DCC: variants seen among roughly 807,000 people sequenced by gnomAD.
DCC encodes the protein DCC netrin 1 receptor.
Under a neutral mutation model 172.5 loss-of-function variants are expected in DCC, and 58 were observed. That is an observed-to-expected ratio of 0.34 (90% CI 0.27 to 0.42). The LOEUF (loss-of-function observed/expected upper bound fraction) is 0.42, where lower values mean the gene tolerates loss of function less well. Among genes scored for constraint, DCC ranks in the 10% least tolerant of loss-of-function variants. DCC has a pLI of 1.00. For synonymous variants in DCC, 709 were observed against 644.5 expected (o/e 1.10, Z -1.52); for missense variants, 1,740 against 1,791.0 (o/e 0.97, Z 0.51).
Position 53,451,710 on chromosome 18 carries a change from GCTCT to G in DCC, c.3392+1068_3392+1071del, listed in dbSNP as rs371232356. Among the ~76,000 whole-genome samples, 129 of 147,430 alleles carry G rather than the reference GCTCT, an allele frequency of 8.7e-4. 1 individual carries two copies. Among genetic ancestry groups the G allele is most frequent in the South Asian group, 2.2e-3 (10 of 4,628 alleles). ...CTTCTGTTGCTAATAGCTCGCTCTT[GCTCT>G]CTCTCTCTCTCTCTCTCTCCATCTC... is the stretch of plus-strand genomic sequence containing the variant. On this transcript the variant is annotated intron_variant, in intron 23 of 28. Transcript: ENST00000442544.
At chr18:52,492,207 T>C (rs957896266) in intron 1 of DCC, among the ~76,000 whole-genome samples, 1 of 151,516 alleles carries the variant, frequency 6.6e-6, no homozygotes, top group Non-Finnish European at 1.5e-5. Flanking sequence ...GATAAGAAAC[T>C]TGGGGGGTAG....
At chr18:53,513,214 T>C (rs1191418627) in intron 27 of DCC, among the ~76,000 whole-genome samples, 11 of 152,082 alleles carry the variant, frequency 7.2e-5, no homozygotes, top group East Asian at 1.9e-4. Context: ...CCAAACTAAG[T>C]TTCATAAGTG....
chr18:53,202,726 T>C (rs1311370682), intron 9 of DCC, among the ~76,000 whole-genome samples: 1 of 152,146 alleles, frequency 6.6e-6, no homozygotes, highest in East Asian at 1.9e-4. Flanking sequence ...TCTGGAATCA[T>C]AAATGAGGCC....
rs2040038572 is a variant in DCC, at chr18:52,916,234, C to T, written c.698-7473C>T. On this transcript the variant is annotated intron_variant, in intron 3 of 28. Transcript: ENST00000442544. ...CTTTTTTTTTTTTTTCTTCATGAAA[C>T]ACCATTTTTACTTGAAAGGACAGTC... Among the ~76,000 whole-genome samples, 3 of 148,692 alleles carry T rather than the reference C, an allele frequency of 2.0e-5. No homozygotes were observed. The Admixed American group carries it at 2.0e-4, about 10-fold the overall frequency.
intron 1 of DCC, among the ~76,000 whole-genome samples, chr18:52,656,908 C>G (rs996134925): frequency 6.6e-6 from 1 of 152,116 alleles, no homozygotes; most frequent in African/African-American, 2.4e-5. Context: ...CCAGATGGGT[C>G]AGAAATGTCG....
At chr18:52,601,977 G>A (rs1164107924) in intron 1 of DCC, among the ~76,000 whole-genome samples, 3 of 151,956 alleles carry the variant, frequency 2.0e-5, no homozygotes, top group African/African-American at 7.2e-5. Flanking sequence ...TTGCTCTTCT[G>A]TGAATTTCCC....
intron 1 of DCC, among the ~76,000 whole-genome samples, chr18:52,494,637 A>C (rs1386900425): frequency 1.3e-5 from 2 of 151,864 alleles, no homozygotes; most frequent in East Asian, 3.9e-4. Context: ...ATTAGTTATT[A>C]TGTTTTAGAG....
chr18:53,408,804 AG>A (rs1240173374), intron 19 of DCC, among the ~76,000 whole-genome samples: 3 of 152,202 alleles, frequency 2.0e-5, no homozygotes, highest in Non-Finnish European at 4.4e-5. Flanking sequence ...GAAAGGTGAA[AG>A]TCAATACAAA....
chr18:52,565,191 G>C (rs544168529), intron 1 of DCC, among the ~76,000 whole-genome samples: 1 of 152,068 alleles, frequency 6.6e-6, no homozygotes, highest in South Asian at 2.1e-4. Flanking sequence ...TTCTATTTGA[G>C]CATGGTTAAA....
intron 1 of DCC, among the ~76,000 whole-genome samples, chr18:52,438,868 A>T (rs1258794393): frequency 6.6e-6 from 1 of 152,182 alleles, no homozygotes; most frequent in Admixed American, 6.5e-5. Context: ...TAAATTACTT[A>T]TAGTCGTGAC....
At chr18:53,251,293 A>C (rs947658064) in intron 12 of DCC, among the ~76,000 whole-genome samples, 1 of 151,868 alleles carries the variant, frequency 6.6e-6, no homozygotes. Context: ...ATTTTCCATA[A>C]TCTTGTTTTC....
chr18:52,628,497 A>T (rs2034614727), intron 1 of DCC, among the ~76,000 whole-genome samples: 1 of 152,246 alleles, frequency 6.6e-6, no homozygotes, highest in Non-Finnish European at 1.5e-5. Context: ...ACTTGCCTTC[A>T]TCTGTGTGTA....
At chr18:52,848,839 G>A (rs564022547) in intron 2 of DCC, among the ~76,000 whole-genome samples, 12 of 152,168 alleles carry the variant, frequency 7.9e-5, no homozygotes, top group Non-Finnish European at 1.2e-4. Context: ...CCATGTATTC[G>A]TGTTCAAATA....
chr18:53,212,976 T>C (rs917275129), intron 11 of DCC, among the ~76,000 whole-genome samples: 1 of 152,100 alleles, frequency 6.6e-6, no homozygotes, highest in Non-Finnish European at 1.5e-5. Flanking sequence ...CCAGCCTGCC[T>C]TTCAATTCTT....
intron 1 of DCC, among the ~76,000 whole-genome samples, chr18:52,444,236 G>A (rs1988055983): frequency 6.6e-6 from 1 of 152,164 alleles, no homozygotes; most frequent in Admixed American, 6.5e-5. Context: ...AAAATGAGGT[G>A]TTTCCCTAAT....
rs113815424 is a variant in DCC at position 52,737,059 on chromosome 18, G to A, written c.92-14995G>A. Among the ~76,000 whole-genome samples, 1,434 of 152,238 alleles carry A rather than the reference G, an allele frequency of 9.4e-3. 13 individuals carry two copies. Among genetic ancestry groups the A allele is most frequent in the Middle Eastern group, 0.017 (5 of 294 alleles). On this transcript the variant is annotated intron_variant, in intron 1 of 28. Transcript: ENST00000442544. ...GGATTTATAGTCTCTATCATTCAAG[G>A]GGACTTGCTGTTTATTATTTAGATA...
intron 1 of DCC, among the ~76,000 whole-genome samples, chr18:52,618,407 C>G (rs2034423004): frequency 6.6e-6 from 1 of 152,182 alleles, no homozygotes; most frequent in African/African-American, 2.4e-5. Context: ...TTAGCAGCCT[C>G]TTTATCGTAT....
chr18:53,493,565 A>T lies in DCC; in HGVS notation c.3899-5733A>T, dbSNP rs181601086. On this transcript the variant is annotated intron_variant, in intron 26 of 28. Transcript: ENST00000442544. ...CTAGTTTATTTGCACAGAGGTGTTT[A>T]TAGTATTCTCTGATGGTAGTTTGAT... 4.6e-3 allele frequency among the ~76,000 whole-genome samples: 694 copies of T among 152,238 alleles called. 11 individuals carry two copies. Among genetic ancestry groups the T allele is most frequent in the Middle Eastern group, 0.014 (4 of 294 alleles).
At chr18:53,216,433 GT>G (rs1372186217) in intron 12 of DCC, among the ~76,000 whole-genome samples, 1 of 152,142 alleles carries the variant, frequency 6.6e-6, no homozygotes, top group Non-Finnish European at 1.5e-5. Context: ...CATACTCTGG[GT>G]TTTAAATCTA....
Sources: gnomAD v4.1 joint callset for allele counts (sites outside exome capture counted in the v4.1 genomes callset) on GRCh38, gnomAD v4.1.1 for gene constraint, MANE v1.5 for transcripts, NCBI Gene and HGNC (gene_info 2026-07-23, HGNC 2026-07-21) for gene names.